Variants in SIGLEC9 observed in about 807,000 individuals in gnomAD.
SIGLEC9 encodes the protein sialic acid binding Ig like lectin 9.
Under a neutral mutation model 38.3 loss-of-function variants are expected in SIGLEC9, and 26 were observed. The ratio of observed to expected loss-of-function variants is 0.68; its 90% CI spans 0.50 to 0.94. The LOEUF (loss-of-function observed/expected upper bound fraction) is 0.94, where lower values mean the gene tolerates loss of function less well. Ranked by LOEUF, SIGLEC9 falls within the 40% of genes least tolerant of loss-of-function variation. The probability of loss-of-function intolerance (pLI) is 0.00; values close to 1 mark genes in which losing one functional copy is unlikely to be tolerated. For synonymous variants in SIGLEC9, 236 were observed against 248.0 expected (o/e 0.95, Z 0.45); for missense variants, 556 against 585.7 (o/e 0.95, Z 0.52).
rs1356365450 is a variant in SIGLEC9, at chr19:51,130,249, A to C, written c.*170A>C. On this transcript the variant is annotated 3_prime_UTR_variant, in exon 7 of 7. Transcript: ENST00000250360. ...CAGGCTTTAGAGTCAAAGTATCTCA[A>C]ACCTGAATCCACACTGTGCCCTCCC... 6 of 1,276,290 alleles carry C rather than the reference A, an allele frequency of 4.7e-6. No homozygotes were observed. Among genetic ancestry groups the C allele is most frequent in the Non-Finnish European group, 5.0e-6 (5 of 993,210 alleles). The allele number at this position is 1,276,290 out of a possible 1,614,324, so 79.1% of individuals were successfully genotyped here.
intron 6 of SIGLEC9, among the ~76,000 whole-genome samples, chr19:51,129,130 C>G (rs1259226734): frequency 6.7e-6 from 1 of 150,142 alleles, no homozygotes; most frequent in Non-Finnish European, 1.5e-5. Context: ...CAGCAGTGCA[C>G]ATTCTGACTT....
chr19:51,128,463 G>A lies in SIGLEC9; in HGVS notation c.1156G>A (p.Asp386Asn), dbSNP rs548244550. The change falls in exon 6 of 7, where the codon GAT (aspartate) becomes AAT (asparagine). Residue 386 changes from aspartate to asparagine, a missense_variant. Physicochemically the swap from Asp to Asn is conservative, Grantham distance 23. Coordinates refer to ENST00000250360, the MANE Select transcript of SIGLEC9 (RefSeq NM_014441.3). ...GGCAAGGCCAGCAGCGGGCGTGGGA[G>A]ATACGGGCATAGAGGATGCAAACGC... is the stretch of plus-strand genomic sequence containing the variant. The part of the protein sequence containing the change: ...KSARPAAGVG[D>N]TGIEDANAVR... 9.9e-6 allele frequency: 16 copies of A among 1,614,126 alleles called. No homozygotes were observed. In the South Asian group the frequency reaches 1.5e-4, roughly 16 times the overall value.
At chr19:51,128,859 G>A (rs942847308) in intron 6 of SIGLEC9, 13 of 230,554 alleles carry the variant, frequency 5.6e-5, no homozygotes, top group African/African-American at 3.0e-4. Flanking sequence ...CCTCAATACC[G>A]TTTAGAGCAG....
At position 51,125,741 on chromosome 19, in the gene SIGLEC9, A is replaced by AC; in HGVS notation, c.570dup (p.Ser191LeufsTer85). ...ATAGGGACCTCCGTGTCCCCCCTGG[A>AC]CCCCTCCACCACCCGCTCCTCGGTG... On this transcript the variant is annotated frameshift_variant, in exon 2 of 7. Coordinates refer to ENST00000250360, the MANE Select transcript of SIGLEC9 (RefSeq NM_014441.3). LOFTEE classifies it high-confidence loss of function. 1 of 1,607,292 alleles carries AC rather than the reference A, an allele frequency of 6.2e-7. No individual in the cohort carries two copies. The highest frequency in any genetic ancestry group is 8.5e-7 in the Non-Finnish European group (1 of 1,174,240).
At position 51,135,910 on chromosome 19, in the gene SIGLEC9, G is replaced by A. The variant is rs1599824565; in HGVS notation, c.1204-52G>A. 4.3e-6 allele frequency: 3 copies of A among 690,034 alleles called. No homozygotes were observed. The East Asian group carries it at 8.1e-5, about 19-fold the overall frequency. The allele number at this position is 690,034 out of a possible 1,614,324, so 42.7% of individuals were successfully genotyped here. The stretch of plus-strand genomic sequence containing the variant: ...ATTATGAAATTTTTGCAGTTTTTCA[G>A]CTCTAACAGATCAGTTTGATTCTCT... On this transcript the variant is annotated intron_variant, in intron 6 of 6. Coordinates refer to the SIGLEC9 transcript ENST00000440804.
At position 51,128,710 on chromosome 19, in the gene SIGLEC9, C is replaced by G. The variant is rs1182261748; in HGVS notation, c.1203+200C>G. On this transcript the variant is annotated intron_variant, in intron 6 of 6. Transcript: ENST00000250360. The stretch of plus-strand genomic sequence containing the variant: ...ATTGTCTCTGCTCCCTATCCTGACC[C>G]TTCATTGCTGAGGCCTGAGGATCTC... 2.1e-5 allele frequency: 11 copies of G among 532,084 alleles called. No homozygotes were observed. In the Admixed American group the frequency reaches 2.7e-4, roughly 13 times the overall value. 33.0% of individuals were successfully genotyped at this position (532,084 alleles called of 1,614,324 possible).
chr19:51,129,198 G>A (rs1016765822), intron 6 of SIGLEC9, among the ~76,000 whole-genome samples: 9 of 137,984 alleles, frequency 6.5e-5, no homozygotes, highest in Admixed American at 1.4e-4. Flanking sequence ...TTGCTCTGTC[G>A]CCCAGGCTGG....
Position 51,126,887 on chromosome 19 carries a change from C to A in SIGLEC9, c.749-143C>A. On this transcript the variant is annotated intron_variant, in intron 3 of 6. Coordinates refer to ENST00000250360, the MANE Select transcript of SIGLEC9 (RefSeq NM_014441.3). ...GATGAAGCGGGGAGAAGTTTACATT[C>A]CCAGCAGTGAGTGGTGAAAGTGTGT... is the stretch of plus-strand genomic sequence containing the variant. The A allele has an allele frequency of 4.4e-6, 3 of 679,568 alleles. No homozygotes were observed. The South Asian group carries it at 5.7e-5, about 13-fold the overall frequency. The allele number at this position is 679,568 out of a possible 1,614,324, so 42.1% of individuals were successfully genotyped here. A position where few individuals can be genotyped will look rare whatever the true frequency, so the allele number is the denominator to read the frequency against.
upstream of SIGLEC9, among the ~76,000 whole-genome samples, chr19:51,122,190 C>A (rs967502391): frequency 6.6e-6 from 1 of 152,186 alleles, no homozygotes; most frequent in Non-Finnish European, 1.5e-5. The surrounding 1 kb of genome is among the most constrained non-coding windows in gnomAD (Gnocchi z 4.1). Flanking sequence ...GCCTGTCTGT[C>A]TTGCGTCAAT....
Position 51,129,614 on chromosome 19 carries a change from A to G in SIGLEC9, c.1204-277A>G, listed in dbSNP as rs373266526. 1.5e-4 allele frequency among the ~76,000 whole-genome samples: 23 copies of G among 152,042 alleles called. No homozygotes were observed. The East Asian group carries it at 3.7e-3, about 24-fold the overall frequency. On this transcript the variant is annotated intron_variant, in intron 6 of 6. Transcript: ENST00000250360. Reference sequence around the variant, plus strand: ...ACCCAGGATGTAGTGCAGTGGCACAATCTTGGCTTACTGCAACCTCTGCCT... The same window carrying G: ...ACCCAGGATGTAGTGCAGTGGCACAGTCTTGGCTTACTGCAACCTCTGCCT...
intron 1 of SIGLEC9, 43 bp downstream of exon 1, chr19:51,125,438 G>A: frequency 6.4e-7 from 1 of 1,554,926 alleles, no homozygotes; most frequent in Non-Finnish European, 8.7e-7. Context: ...AAAGGTCATG[G>A]GGGCGGCAGG....
At chr19:51,124,149 GC>G (rs2091960197), upstream of SIGLEC9, among the ~76,000 whole-genome samples, 1 of 152,124 alleles carries the variant, frequency 6.6e-6, no homozygotes, top group African/African-American at 2.4e-5. Flanking sequence ...TTTGAAATCT[GC>G]CCCTTTTCTT....
chr19:51,129,438 C>T (rs937008178), intron 6 of SIGLEC9, among the ~76,000 whole-genome samples: 2 of 151,954 alleles, frequency 1.3e-5, no homozygotes, highest in South Asian at 2.1e-4. Flanking sequence ...GGATTACAGG[C>T]GTGAGCCACT....
downstream of SIGLEC9, among the ~76,000 whole-genome samples, chr19:51,131,246 C>G (rs930295747): frequency 6.6e-6 from 1 of 152,172 alleles, no homozygotes; most frequent in African/African-American, 2.4e-5. Context: ...TAGACTCTTG[C>G]CCATTTACGG....
In SIGLEC9 at chr19:51,124,914, T is replaced by G. The variant is rs929754767; in HGVS notation, c.-61T>G. On this transcript the variant is annotated 5_prime_UTR_variant, in exon 1 of 7. Transcript: ENST00000250360. Reference sequence around the variant, plus strand: ...CTCTAAGTCTTGAGCCCGCAGTTCCTGAGAGAAGAACCCTGAGGAACAGAC... The same window carrying G: ...CTCTAAGTCTTGAGCCCGCAGTTCCGGAGAGAAGAACCCTGAGGAACAGAC... 80 of 1,550,516 alleles carry G rather than the reference T, an allele frequency of 5.2e-5. No individual in the cohort carries two copies. The highest frequency in any genetic ancestry group is 6.6e-5 in the Non-Finnish European group (76 of 1,149,700).
chr19:51,125,109 C>T lies in SIGLEC9; in HGVS notation c.135C>T (p.Tyr45=), dbSNP rs1697545. The T allele has an allele frequency of 2.5e-6, 4 of 1,613,870 alleles. No homozygotes were observed. The highest frequency in any genetic ancestry group is 2.5e-6 in the Non-Finnish European group (3 of 1,179,944). ...LCVHVPCSFS[Y]PSHGWIYPGP... is the part of the protein sequence containing the mutation. ...TCCATGTGCCCTGCTCCTTCTCCTA[C>T]CCCTCGCATGGCTGGATTTACCCTG... Residue 45 remains tyrosine (Y), a synonymous_variant, in exon 1 of 7, where the codon TAC becomes TAT. Coordinates refer to ENST00000250360, the MANE Select transcript of SIGLEC9 (RefSeq NM_014441.3).
chr19:51,126,187 C>T (rs147395892), intron 3 of SIGLEC9, 59 bp downstream of exon 3: 23,390 of 1,509,254 alleles, frequency 0.015, 235 homozygotes, highest in Middle Eastern at 0.02. Flanking sequence ...CAGGATGGGG[C>T]TGGCTTATTC....
At chr19:51,135,651 A>G (rs1386333289) in intron 6 of SIGLEC9, among the ~76,000 whole-genome samples, 1 of 152,096 alleles carries the variant, frequency 6.6e-6, no homozygotes, top group East Asian at 1.9e-4. Context: ...ATTTTTGTGG[A>G]TGATATCCTC....
In SIGLEC9 at chr19:51,125,709, C is replaced by A; in HGVS notation, c.534C>A (p.Ile178=). ...GTGAGCAGGGGACACCCCCTATGAT[C>A]TCCTGGATAGGGACCTCCGTGTCCC... The part of the protein sequence containing the change: ...WACEQGTPPM[I]SWIGTSVSPL... Residue 178 remains isoleucine (I), a synonymous_variant, in exon 2 of 7, where the codon ATC becomes ATA. Transcript: ENST00000250360. 1.2e-6 allele frequency: 2 copies of A among 1,614,084 alleles called. No individual in the cohort carries two copies. Among genetic ancestry groups the A allele is most frequent in the Non-Finnish European group, 1.7e-6 (2 of 1,179,994 alleles).
Sources: allele counts gnomAD v4.1 joint callset (sites outside exome capture counted in the v4.1 genomes callset), GRCh38; gene constraint gnomAD v4.1.1; non-coding constraint Gnocchi (gnomAD v3.1); transcripts MANE v1.5; gene names NCBI Gene and HGNC (gene_info 2026-07-23, HGNC 2026-07-21).